CFAP61: variants seen among roughly 807,000 people sequenced by gnomAD.
CFAP61 encodes cilia and flagella associated protein 61.
A neutral mutation model predicts 135.6 loss-of-function variants in CFAP61; 107 were observed. That is an observed-to-expected ratio of 0.79 (90% CI 0.67 to 0.93). The LOEUF is 0.93. CFAP61 is among the 40% of genes least tolerant of loss of function. The pLI is 0.00. For missense variants in CFAP61, 1,507 were observed against 1,556.2 expected, an observed-to-expected ratio of 0.97 and a Z score of 0.53; for synonymous variants, 575 against 578.5, an observed-to-expected ratio of 0.99 and a Z score of 0.09.
At chr20:20,130,294 T>TA (rs35009424) in intron 8 of CFAP61, among the ~76,000 whole-genome samples, 14,985 of 148,006 alleles carry the variant, frequency 0.1, 1,024 homozygotes, top group Non-Finnish European at 0.15. Flanking sequence ...GTCTCAGAAA[T>TA]AAAAAAAAAA....
Position 20,322,677 on chromosome 20 carries a change from A to G in CFAP61, c.3423-19154A>G. 4 of 985,324 alleles carry G rather than the reference A, an allele frequency of 4.1e-6. No homozygotes were observed. In the South Asian group the frequency reaches 1.9e-4, roughly 46 times the overall value. The allele number at this position is 985,324 out of a possible 1,614,324, so 61.0% of individuals were successfully genotyped here. ...TGGTGGTCTTCCAGCAGAAACAGTT[A>G]CCAAGAAATGGGAACTACCCTCAGA... On this transcript the variant is annotated intron_variant, in intron 25 of 26. Transcript: ENST00000245957.
chr20:20,319,479 G>T (rs1229754195), intron 25 of CFAP61, among the ~76,000 whole-genome samples: 3 of 152,194 alleles, frequency 2.0e-5, no homozygotes, highest in African/African-American at 7.2e-5. Context: ...TCCCCTTGCT[G>T]TTCTTGTAAT....
At chr20:20,112,765 T>G (rs1022260230) in intron 8 of CFAP61, among the ~76,000 whole-genome samples, 12 of 152,218 alleles carry the variant, frequency 7.9e-5, no homozygotes, top group Non-Finnish European at 1.3e-4. Context: ...GGTGGGCTGT[T>G]CATCACTTCA....
intron 21 of CFAP61, among the ~76,000 whole-genome samples, chr20:20,263,610 G>A (rs185985715): frequency 2.6e-5 from 4 of 152,146 alleles, no homozygotes; most frequent in Admixed American, 2.6e-4. Flanking sequence ...GACTCGAGTT[G>A]CATGCCACTT....
At chr20:20,159,618 T>C (rs2053232691) in intron 10 of CFAP61, among the ~76,000 whole-genome samples, 174 bp downstream of exon 10, 1 of 152,196 alleles carries the variant, frequency 6.6e-6, no homozygotes, top group Non-Finnish European at 1.5e-5. Context: ...TCCTTACCTC[T>C]TCCCCTGCTG....
intron 25 of CFAP61, among the ~76,000 whole-genome samples, chr20:20,337,492 A>AGATG (rs2058258365): frequency 8.3e-5 from 3 of 36,162 alleles, no homozygotes; most frequent in African/African-American, 2.1e-4. Context: ...ATGGATGGAT[A>AGATG]GATGGGTGGA....
intron 8 of CFAP61, among the ~76,000 whole-genome samples, chr20:20,115,854 G>A (rs2049103591): frequency 6.6e-6 from 1 of 152,162 alleles, no homozygotes; most frequent in Non-Finnish European, 1.5e-5. Flanking sequence ...TGGAGACTTA[G>A]CTTGATTCCA....
At chr20:20,351,925 C>A (rs1602146798) in intron 26 of CFAP61, among the ~76,000 whole-genome samples, 1 of 151,620 alleles carries the variant, frequency 6.6e-6, no homozygotes, top group East Asian at 2.0e-4. Flanking sequence ...AAAAGACCCA[C>A]AAATAGCCAA....
chr20:20,210,127 T>G (rs1419148285), intron 17 of CFAP61, among the ~76,000 whole-genome samples: 1 of 152,202 alleles, frequency 6.6e-6, no homozygotes, highest in Non-Finnish European at 1.5e-5. Flanking sequence ...CACTGGACTC[T>G]TCCCAGGACA....
intron 19 of CFAP61, among the ~76,000 whole-genome samples, chr20:20,249,213 A>C (rs1272115658): frequency 6.6e-6 from 1 of 152,204 alleles, no homozygotes; most frequent in Non-Finnish European, 1.5e-5. Flanking sequence ...TCCAGAATGG[A>C]TAGTAATATC....
At position 20,052,578 on chromosome 20, in the gene CFAP61, G is replaced by T; in HGVS notation, c.-50G>T. The T allele has an allele frequency of 6.2e-7, 1 of 1,613,910 alleles. No homozygotes were observed. ...GCAGCGCGTGGAGTGCGGCGTCCTG[G>T]AGCTGCGGATGAGGTGGGTAACGCC... On this transcript the variant is annotated 5_prime_UTR_variant, in exon 1 of 27. Transcript: ENST00000245957.
chr20:20,052,536 T>C lies in CFAP61; in HGVS notation c.-92T>C, dbSNP rs1273510311. Reference sequence around the variant, plus strand: ...GGCACCGTTTCCATGGTGACCAGGCTGCGCGTCCTCCTTGCGGCAGCGCGT... The same window carrying C: ...GGCACCGTTTCCATGGTGACCAGGCCGCGCGTCCTCCTTGCGGCAGCGCGT... On this transcript the variant is annotated 5_prime_UTR_variant, in exon 1 of 27. Coordinates refer to ENST00000245957, the MANE Select transcript of CFAP61 (RefSeq NM_015585.4). The C allele has an allele frequency of 6.2e-7, 1 of 1,614,230 alleles. No individual in the cohort carries two copies. The highest frequency in any genetic ancestry group is 8.5e-7 in the Non-Finnish European group (1 of 1,180,040).
In CFAP61 at chr20:20,360,605, T is replaced by C; in HGVS notation, c.*195T>C. ...AGTAGGTGGCACACGGCCGTGTGCCTCTCTTCTGGGGCAGGCTCGCTTTAC... is the reference window on the plus strand; with the variant it reads ...AGTAGGTGGCACACGGCCGTGTGCCCCTCTTCTGGGGCAGGCTCGCTTTAC... On this transcript the variant is annotated 3_prime_UTR_variant, in exon 27 of 27. Coordinates refer to ENST00000245957, the MANE Select transcript of CFAP61 (RefSeq NM_015585.4). 1 of 591,390 alleles carries C rather than the reference T, an allele frequency of 1.7e-6. No individual in the cohort carries two copies. Among genetic ancestry groups the C allele is most frequent in the East Asian group, 2.8e-5 (1 of 35,682 alleles). The allele number at this position is 591,390 out of a possible 1,614,324, so 36.6% of individuals were successfully genotyped here. A position where few individuals can be genotyped will look rare whatever the true frequency, so the allele number is the denominator to read the frequency against.
chr20:20,255,693 A>T (rs2051488819), intron 20 of CFAP61, among the ~76,000 whole-genome samples: 1 of 152,148 alleles, frequency 6.6e-6, no homozygotes, highest in South Asian at 2.1e-4. Context: ...ATTTGACAGC[A>T]CCTACTATAT....
At position 20,093,900 on chromosome 20, in the gene CFAP61, C is replaced by T. The variant is rs561749110; in HGVS notation, c.699+2924C>T. On this transcript the variant is annotated intron_variant, in intron 7 of 26. Transcript: ENST00000245957. ...TTGGACACTCACTATGTTGCCCAGG[C>T]TTTTCTTAAACTGCAGTCCTCCTGC... Among the ~76,000 whole-genome samples the T allele has an allele frequency of 6.2e-4, 94 of 152,210 alleles. No individual in the cohort carries two copies. In the South Asian group the frequency reaches 0.018, roughly 30 times the overall value.
chr20:20,232,363 T>A (rs1283090658), intron 18 of CFAP61, among the ~76,000 whole-genome samples: 5 of 151,136 alleles, frequency 3.3e-5, no homozygotes, highest in African/African-American at 1.2e-4. Context: ...TTTAATTATA[T>A]AAATGCTATA....
In CFAP61 at chr20:20,062,417, CAGAAG is replaced by C. The variant is rs1345525692; in HGVS notation, c.143+5628_143+5632del. ...AACTTATAACCTTAAATGCTTATAA[CAGAAG>C]AGAAGAAAGGCCTGAAATAAAGTTC... On this transcript the variant is annotated intron_variant, in intron 2 of 26. Coordinates refer to ENST00000245957, the MANE Select transcript of CFAP61 (RefSeq NM_015585.4). 3.9e-5 allele frequency among the ~76,000 whole-genome samples: 6 copies of C among 152,240 alleles called. No individual in the cohort carries two copies. In the East Asian group the frequency reaches 9.6e-4, roughly 24 times the overall value.
intron 25 of CFAP61, among the ~76,000 whole-genome samples, chr20:20,309,336 C>G (rs981267242): frequency 6.6e-6 from 1 of 152,164 alleles, no homozygotes; most frequent in African/African-American, 2.4e-5. Flanking sequence ...CACCCAGAAC[C>G]TATTTTAGAT....
chr20:20,191,896 T>C (rs1164359267), intron 15 of CFAP61, among the ~76,000 whole-genome samples: 2 of 152,120 alleles, frequency 1.3e-5, no homozygotes, highest in Non-Finnish European at 2.9e-5. Flanking sequence ...CTTTTGATTT[T>C]AAAATGCTGC....
Sources: allele counts gnomAD v4.1 joint callset (sites outside exome capture counted in the v4.1 genomes callset), GRCh38; gene constraint gnomAD v4.1.1; transcripts MANE v1.5; gene names NCBI Gene and HGNC (gene_info 2026-07-23, HGNC 2026-07-21).